The following XXYLT1 variants were observed in gnomAD, a reference collection of about 807,000 sequenced individuals.
The protein encoded by XXYLT1 is UDP-xylose:alpha-xyloside alpha-1,3-xylosyltransferase.
XXYLT1 carries 20 observed loss-of-function variants against 28.9 expected under a neutral mutation model. The ratio of observed to expected loss-of-function variants is 0.69; its 90% confidence interval spans 0.49 to 1.00. The LOEUF (loss-of-function observed/expected upper bound fraction) is 1.00. XXYLT1 is among the 50% of genes least tolerant of loss of function. XXYLT1 has a pLI of 0.00. For missense variants in XXYLT1, 542 were observed against 560.1 expected, an observed-to-expected ratio of 0.97 and a Z score of 0.33; for synonymous variants, 257 against 253.8, an observed-to-expected ratio of 1.01 and a Z score of -0.12.
rs768418019 is a variant in XXYLT1 at position 195,196,168 on chromosome 3, G to A, written c.652+30541C>T. Among the ~76,000 whole-genome samples the A allele has an allele frequency of 5.3e-5, 8 of 152,370 alleles. No individual in the cohort carries two copies. In the South Asian group the frequency reaches 8.3e-4, roughly 16 times the overall value. Reference sequence around the variant, plus strand: ...TGCTAGTCACATGTGGCTACTGAGCGCTTGGAATACAGCTAGTGTGACTGA... The same window carrying A: ...TGCTAGTCACATGTGGCTACTGAGCACTTGGAATACAGCTAGTGTGACTGA... On this transcript the variant is annotated intron_variant, in intron 2 of 3. Coordinates refer to ENST00000310380, the MANE Select transcript of XXYLT1 (RefSeq NM_152531.5).
chr3:195,212,522 T>C (rs374974684), intron 2 of XXYLT1, among the ~76,000 whole-genome samples: 7 of 152,112 alleles, frequency 4.6e-5, no homozygotes, highest in South Asian at 4.2e-4. Context: ...GTCAGTGGCC[T>C]GGTAGGAACC....
intron 1 of XXYLT1, among the ~76,000 whole-genome samples, chr3:195,261,190 T>G (rs1725688227): frequency 6.6e-6 from 1 of 152,072 alleles, no homozygotes; most frequent in Non-Finnish European, 1.5e-5. Context: ...CCCAGCATTT[T>G]GGGAGGCGGA....
At chr3:195,175,485 C>T in intron 2 of XXYLT1, 1 of 1,361,980 alleles carries the variant, frequency 7.3e-7, no homozygotes, top group Non-Finnish European at 9.8e-7. Flanking sequence ...GAGAGGACGA[C>T]AATGAGTTCT....
At chr3:195,147,877 G>A (rs760816459) in intron 3 of XXYLT1, 3 of 152,234 alleles carry the variant, frequency 2.0e-5, no homozygotes, top group East Asian at 1.9e-4. Context: ...CAGGCACGAC[G>A]TGGTGAACTT....
In XXYLT1 at chr3:195,129,237, G is replaced by T. The variant is rs1718785564; in HGVS notation, c.785+27212C>A. On this transcript the variant is annotated intron_variant, in intron 3 of 3. Transcript: ENST00000310380. The surrounding 1 kb of genome is among the most constrained non-coding windows in gnomAD (Gnocchi z 4.4). The stretch of plus-strand genomic sequence containing the variant: ...TGCCCTCTCTCTCTCTCTTTTTTTG[G>T]TAACAGCTTTCTTGACACATAATTT... 6.6e-6 allele frequency among the ~76,000 whole-genome samples: 1 copy of T among 151,912 alleles called. No individual in the cohort carries two copies. The highest frequency in any genetic ancestry group is 1.5e-5 in the Non-Finnish European group (1 of 67,982).
In XXYLT1 at chr3:195,176,009, A is replaced by G. The variant is rs550810377; in HGVS notation, c.653-19428T>C. Among the ~76,000 whole-genome samples the G allele has an allele frequency of 6.6e-6, 1 of 152,256 alleles. No homozygotes were observed. The highest frequency in any genetic ancestry group is 2.4e-5 in the African/African-American group (1 of 41,464). ...TCATCAGTGTATACGTAGCAGCTTAAGTCAAGTAGACACAATCTTTTTTCT... is the reference window on the plus strand; with the variant it reads ...TCATCAGTGTATACGTAGCAGCTTAGGTCAAGTAGACACAATCTTTTTTCT... On this transcript the variant is annotated intron_variant, in intron 2 of 3. Coordinates refer to ENST00000310380, the MANE Select transcript of XXYLT1 (RefSeq NM_152531.5). The surrounding 1 kb of genome is among the most constrained non-coding windows in gnomAD (Gnocchi z 4.9).
At chr3:195,111,217 C>CTG (rs376777738) in intron 3 of XXYLT1, among the ~76,000 whole-genome samples, 2 of 151,426 alleles carry the variant, frequency 1.3e-5, no homozygotes, top group South Asian at 2.1e-4. Flanking sequence ...GATGTTCTCC[C>CTG]TGTGTGTGTG....
intron 3 of XXYLT1, among the ~76,000 whole-genome samples, chr3:195,107,285 C>T (rs1361065943): frequency 2.0e-5 from 3 of 151,550 alleles, no homozygotes; most frequent in African/African-American, 7.3e-5. Flanking sequence ...ACCAGCCTGA[C>T]CAAGATGGCG....
intron 3 of XXYLT1, among the ~76,000 whole-genome samples, chr3:195,090,965 A>T (rs1716100311): frequency 6.6e-6 from 1 of 151,768 alleles, no homozygotes; most frequent in Non-Finnish European, 1.5e-5. Context: ...CACTCTCCCA[A>T]GACTAAACCA....
At chr3:195,181,483 GTGGATGATAATAGATATCCACAAT>G in intron 2 of XXYLT1, among the ~76,000 whole-genome samples, 1 of 152,358 alleles carries the variant, frequency 6.6e-6, no homozygotes, top group South Asian at 2.1e-4. Context: ...GACTGAGGAA[GTGGATGATAATAGATATCCACAAT>G]CATGGTGTGA....
At position 195,069,924 on chromosome 3, in the gene XXYLT1, G is replaced by C. The variant is rs757771770; in HGVS notation, c.973C>G (p.Arg325Gly). 3 of 1,613,634 alleles carry C rather than the reference G, an allele frequency of 1.9e-6. No homozygotes were observed. The South Asian group carries it at 3.3e-5, about 18-fold the overall frequency. Residue 325 changes from arginine (R) to glycine (G), a missense_variant, in exon 4 of 4, where the codon CGC (arginine) becomes GGC (glycine). By Grantham distance (125) the Arg-to-Gly change is moderately radical (BLOSUM62 -2). Transcript: ENST00000310380. ...VQQLADKYHF[R>G]GHLGDQDFFT... The stretch of plus-strand genomic sequence containing the variant: ...AAGTCCTGGTCCCCGAGGTGGCCGC[G>C]GAAGTGGTACTTGTCGGCCAGCTGC...
At chr3:195,260,398 A>T (rs1380078352) in intron 1 of XXYLT1, among the ~76,000 whole-genome samples, 4 of 152,092 alleles carry the variant, frequency 2.6e-5, no homozygotes, top group African/African-American at 7.2e-5. Flanking sequence ...CACAGGACAA[A>T]ACCTGTGCCT....
chr3:195,099,553 G>C (rs558991170), intron 3 of XXYLT1, among the ~76,000 whole-genome samples: 1 of 152,320 alleles, frequency 6.6e-6, no homozygotes, highest in African/African-American at 2.4e-5. Flanking sequence ...TAACTGGGCT[G>C]GGCGCGGTGG....
chr3:195,110,671 GTA>G lies in XXYLT1; in HGVS notation c.786-40562_786-40561del, dbSNP rs1457299043. ...GTGTGTGTGGTGTGTTGTGTGTGGTGTATGTGTGTGTGTGCTGTATGTGTGCA... is the reference window on the plus strand; with the variant it reads ...GTGTGTGTGGTGTGTTGTGTGTGGTGTGTGTGTGTGTGCTGTATGTGTGCA... On this transcript the variant is annotated intron_variant, in intron 3 of 3. Coordinates refer to ENST00000310380, the MANE Select transcript of XXYLT1 (RefSeq NM_152531.5). Among the ~76,000 whole-genome samples, 8 of 58,380 alleles carry G rather than the reference GTA, an allele frequency of 1.4e-4. 1 individual carries two copies. The highest frequency in any genetic ancestry group is 1.0e-3 in the South Asian group (2 of 2,004). The allele number at this position is 58,380 out of a possible 152,430, so 38.3% of individuals were successfully genotyped here.
Position 195,168,974 on chromosome 3 carries a change from A to G in XXYLT1, c.653-12393T>C, listed in dbSNP as rs559360302. ...CCTGTGCAGTTACCTACTTCTGGGA[A>G]ACAAATCACTCCAAAACCTAGTGGC... is the stretch of plus-strand genomic sequence containing the variant. On this transcript the variant is annotated intron_variant, in intron 2 of 3. Coordinates refer to ENST00000310380, the MANE Select transcript of XXYLT1 (RefSeq NM_152531.5). This position sits in a 1 kb window ranked among gnomAD's most constrained non-coding sequence, Gnocchi z 4.3. Among the ~76,000 whole-genome samples the G allele has an allele frequency of 6.6e-6, 1 of 152,246 alleles. No individual in the cohort carries two copies. Among genetic ancestry groups the G allele is most frequent in the African/African-American group, 2.4e-5 (1 of 41,462 alleles).
chr3:195,088,399 T>C (rs1715916261), intron 3 of XXYLT1, among the ~76,000 whole-genome samples: 1 of 146,272 alleles, frequency 6.8e-6, no homozygotes, highest in Admixed American at 6.9e-5. Flanking sequence ...GCAGCCTAAC[T>C]GGGAGGCACC....
At chr3:195,160,755 C>T (rs1720829647) in intron 2 of XXYLT1, among the ~76,000 whole-genome samples, 1 of 152,216 alleles carries the variant, frequency 6.6e-6, no homozygotes, top group Middle Eastern at 3.2e-3. Context: ...CCAGACCAGG[C>T]TGGCTTCTCG....
chr3:195,162,232 T>G (rs932942494), intron 2 of XXYLT1, among the ~76,000 whole-genome samples: 1 of 152,228 alleles, frequency 6.6e-6, no homozygotes, highest in Non-Finnish European at 1.5e-5. Flanking sequence ...TGCTTTTCAC[T>G]GCCCATGCTG....
chr3:195,075,532 G>A (rs187420970), intron 3 of XXYLT1, among the ~76,000 whole-genome samples: 144 of 152,344 alleles, frequency 9.5e-4, no homozygotes, highest in East Asian at 2.5e-3. Flanking sequence ...CCCAAAACAA[G>A]CCCTGTGGTG....
Sources: gnomAD v4.1 joint callset for allele counts (sites outside exome capture counted in the v4.1 genomes callset) on GRCh38, gnomAD v4.1.1 for gene constraint, Gnocchi (gnomAD v3.1) non-coding constraint, MANE v1.5 for transcripts, NCBI Gene and HGNC (gene_info 2026-07-23, HGNC 2026-07-21) for gene names.